The following ROBO1 variants were observed in gnomAD, a reference collection of about 807,000 sequenced individuals.
The protein encoded by ROBO1 is roundabout guidance receptor 1.
In ROBO1, 149 loss-of-function variants were observed where a neutral mutation model predicts 195.9. That is an observed-to-expected ratio of 0.76 (90% CI 0.67 to 0.87). The LOEUF is 0.87. ROBO1 is among the 40% of genes least tolerant of loss of function. The pLI is 0.00. For missense variants in ROBO1, 1,933 were observed against 2,068.3 expected (o/e 0.93, Z 1.27); for synonymous variants, 816 against 733.2 (o/e 1.11, Z -1.82).
chr3:79,404,001 A>C (rs557751166), intron 2 of ROBO1, among the ~76,000 whole-genome samples: 1 of 152,148 alleles, frequency 6.6e-6, no homozygotes, highest in Admixed American at 6.6e-5. Flanking sequence ...ACTTTTATAA[A>C]AATAAAATCA....
At chr3:79,150,250 CT>C (rs375015691) in intron 2 of ROBO1, among the ~76,000 whole-genome samples, 2,795 of 143,148 alleles carry the variant, frequency 0.02, 100 homozygotes, top group African/African-American at 0.067. Context: ...GTTGATTTTT[CT>C]TTTTTTTTTT....
intron 4 of ROBO1, among the ~76,000 whole-genome samples, chr3:78,853,626 T>C (rs574561439): frequency 3.9e-5 from 6 of 152,086 alleles, no homozygotes; most frequent in Non-Finnish European, 7.4e-5. Context: ...TCAGTAGACT[T>C]TGAGTAAGGC....
In ROBO1 at chr3:78,740,341, T is replaced by TA. The variant is rs540573220; in HGVS notation, c.657+6401dup. 1.3e-5 allele frequency among the ~76,000 whole-genome samples: 2 copies of TA among 151,190 alleles called. 1 individual carries two copies. Among genetic ancestry groups the TA allele is most frequent in the South Asian group, 4.1e-4 (2 of 4,820 alleles). ...CAATAGCTATTGTTATTATTCTCTCTAAAAATTGACATTTATTTAAATTTA... is the reference window on the plus strand; with the variant it reads ...CAATAGCTATTGTTATTATTCTCTCTAAAAAATTGACATTTATTTAAATTTA... On this transcript the variant is annotated intron_variant, in intron 5 of 30. Coordinates refer to ENST00000464233, the MANE Select transcript of ROBO1 (RefSeq NM_002941.4).
At chr3:79,074,477 A>G (rs533858868) in intron 3 of ROBO1, among the ~76,000 whole-genome samples, 1 of 151,924 alleles carries the variant, frequency 6.6e-6, no homozygotes, top group African/African-American at 2.4e-5. Flanking sequence ...TTGGAGTTCA[A>G]TGGTGATCAT....
rs148941451 is a variant in ROBO1 at position 79,700,651 on chromosome 3, T to C, written c.-51+67101A>G. 2.7e-3 allele frequency among the ~76,000 whole-genome samples: 403 copies of C among 152,008 alleles called. 2 individuals are homozygous for C. The highest frequency in any genetic ancestry group is 9.0e-3 in the African/African-American group (374 of 41,520). ...ATGATGCTGAACACTTTTTCATGTT[T>C]GTTGGCCACCTGTATGTCTTCTTTT... On this transcript the variant is annotated intron_variant, in intron 1 of 30. Coordinates refer to ENST00000464233, the MANE Select transcript of ROBO1 (RefSeq NM_002941.4).
At chr3:78,821,575 T>C (rs1204075676) in intron 4 of ROBO1, among the ~76,000 whole-genome samples, 1 of 152,120 alleles carries the variant, frequency 6.6e-6, no homozygotes, top group Non-Finnish European at 1.5e-5. Context: ...GCTTTTCACA[T>C]GTAAAAGATT....
chr3:78,946,513 C>A (rs1314585278), intron 3 of ROBO1, among the ~76,000 whole-genome samples: 2 of 152,162 alleles, frequency 1.3e-5, no homozygotes, highest in Admixed American at 1.3e-4. Flanking sequence ...AAAAGAGCTC[C>A]TGAAGGAAGC....
chr3:79,059,167 A>G (rs2078868051), intron 3 of ROBO1, among the ~76,000 whole-genome samples: 1 of 152,130 alleles, frequency 6.6e-6, no homozygotes, highest in Admixed American at 6.6e-5. Flanking sequence ...AATGAGACTG[A>G]TCATTCATGG....
chr3:78,626,923 T>A (rs1704828918), intron 26 of ROBO1, among the ~76,000 whole-genome samples: 1 of 152,098 alleles, frequency 6.6e-6, no homozygotes, highest in Non-Finnish European at 1.5e-5. Context: ...TAAACTTAAT[T>A]TTAAAAGACA....
At chr3:78,879,938 A>G (rs1173113013) in intron 4 of ROBO1, among the ~76,000 whole-genome samples, 1 of 152,216 alleles carries the variant, frequency 6.6e-6, no homozygotes, top group African/African-American at 2.4e-5. Flanking sequence ...AGAAAAATTA[A>G]TAATTCTAAA....
intron 4 of ROBO1, among the ~76,000 whole-genome samples, chr3:78,790,647 C>T (rs2083989618): frequency 6.6e-6 from 1 of 152,130 alleles, no homozygotes; most frequent in South Asian, 2.1e-4. Flanking sequence ...ACATTCAGCT[C>T]CAGATTGCCA....
chr3:79,021,651 ATTTTT>A (rs71127372), intron 3 of ROBO1, among the ~76,000 whole-genome samples: 21 of 76,880 alleles, frequency 2.7e-4, no homozygotes, highest in African/African-American at 5.5e-4. Context: ...CCTAGAGATG[ATTTTT>A]TTTTTTTTTT....
chr3:79,215,102 TA>T (rs1480488016), intron 2 of ROBO1, among the ~76,000 whole-genome samples: 1 of 152,082 alleles, frequency 6.6e-6, no homozygotes, highest in Non-Finnish European at 1.5e-5. Context: ...GGACCATCTG[TA>T]GGTGGGTCAT....
chr3:79,387,975 A>T (rs78422438), intron 2 of ROBO1, among the ~76,000 whole-genome samples: 35 of 152,294 alleles, frequency 2.3e-4, no homozygotes, highest in African/African-American at 8.2e-4. Context: ...TCACAGTGCT[A>T]TAGGCACTGT....
At chr3:78,675,598 G>A (rs1010500456) in intron 10 of ROBO1, among the ~76,000 whole-genome samples, 11 of 152,162 alleles carry the variant, frequency 7.2e-5, no homozygotes, top group South Asian at 6.2e-4. Flanking sequence ...ACTGCAAGGC[G>A]GCAGCGAGGC....
At chr3:79,683,757 T>C (rs980804987) in intron 1 of ROBO1, among the ~76,000 whole-genome samples, 1 of 152,150 alleles carries the variant, frequency 6.6e-6, no homozygotes, top group South Asian at 2.1e-4. Flanking sequence ...GATTCATCCA[T>C]GTTGCAGCAT....
At chr3:79,689,848 G>A (rs892724632) in intron 1 of ROBO1, among the ~76,000 whole-genome samples, 3 of 151,816 alleles carry the variant, frequency 2.0e-5, no homozygotes, top group African/African-American at 7.3e-5. Flanking sequence ...AACAAATATT[G>A]AGAAGAAAAT....
At chr3:79,415,312 C>G (rs1018688352) in intron 2 of ROBO1, among the ~76,000 whole-genome samples, 2 of 152,086 alleles carry the variant, frequency 1.3e-5, no homozygotes, top group African/African-American at 4.8e-5. Context: ...TAATATCTTA[C>G]TTTTAAACAC....
chr3:78,967,240 A>G (rs1375127288), intron 3 of ROBO1, among the ~76,000 whole-genome samples: 3 of 152,184 alleles, frequency 2.0e-5, no homozygotes, highest in African/African-American at 4.8e-5. Context: ...CAAGGGAAAT[A>G]TAAGGACATG....
Sources: gnomAD v4.1 joint callset for allele counts (sites outside exome capture counted in the v4.1 genomes callset) on GRCh38, gnomAD v4.1.1 for gene constraint, MANE v1.5 for transcripts, NCBI Gene and HGNC (gene_info 2026-07-23, HGNC 2026-07-21) for gene names.